WDR41: variants seen among roughly 807,000 people sequenced by gnomAD.
WDR41 encodes the protein WD repeat-containing protein 41.
Under a neutral mutation model 69.3 loss-of-function variants are expected in WDR41, and 63 were observed. The observed-to-expected ratio is 0.91, with a 90% confidence interval of 0.74 to 1.12. WDR41 has a LOEUF of 1.12. Ranked by LOEUF, WDR41 falls within the 50% of genes most tolerant of loss-of-function variation. The probability of loss-of-function intolerance (pLI) is 0.00; values close to 1 mark genes in which losing one functional copy is unlikely to be tolerated. For synonymous variants in WDR41, 185 were observed against 192.1 expected (o/e 0.96, Z 0.31); for missense variants, 543 against 534.5 (o/e 1.02, Z -0.16).
intron 12 of WDR41, 137 bp downstream of exon 12, chr5:77,436,124 C>T (rs1454775486): frequency 8.7e-7 from 1 of 1,150,210 alleles, no homozygotes; most frequent in African/African-American, 1.6e-5. Flanking sequence ...ATAGCCTATC[C>T]CATTCCATGT....
rs776674707 is a variant in WDR41 at position 77,433,118 on chromosome 5, AT to A, written c.*16del. The stretch of plus-strand genomic sequence containing the variant: ...TGATGTTCAAGGTTCATGCATGTGT[AT>A]TTTTAATTCCTTAAACTAGACAGCA... On this transcript the variant is annotated 3_prime_UTR_variant, in exon 13 of 13. Coordinates refer to ENST00000296679, the MANE Select transcript of WDR41 (RefSeq NM_018268.4). The A allele has an allele frequency of 7.5e-6, 12 of 1,604,034 alleles. No individual in the cohort carries two copies. The South Asian group carries it at 1.1e-4, about 15-fold the overall frequency.
At chr5:77,550,405 C>A (rs939040684) in intron 1 of WDR41, among the ~76,000 whole-genome samples, 8 of 152,064 alleles carry the variant, frequency 5.3e-5, no homozygotes, top group African/African-American at 1.4e-4. Flanking sequence ...CAGCAAAAAA[C>A]CAAACATTCC....
intron 1 of WDR41, among the ~76,000 whole-genome samples, chr5:77,553,008 T>A (rs971845257): frequency 6.6e-6 from 1 of 152,184 alleles, no homozygotes; most frequent in African/African-American, 2.4e-5. Flanking sequence ...TGACACCAAC[T>A]GCATGATCCA....
intron 1 of WDR41, among the ~76,000 whole-genome samples, chr5:77,578,122 T>C (rs1170424435): frequency 6.6e-6 from 1 of 152,202 alleles, no homozygotes; most frequent in Non-Finnish European, 1.5e-5. Flanking sequence ...CAGTTTCTAC[T>C]AAATGCATAT....
intron 8 of WDR41, among the ~76,000 whole-genome samples, chr5:77,443,303 T>C (rs921298613): frequency 6.6e-6 from 1 of 152,218 alleles, no homozygotes; most frequent in Non-Finnish European, 1.5e-5. Flanking sequence ...CTTGTTAATT[T>C]AGGAATATAC....
intron 1 of WDR41, among the ~76,000 whole-genome samples, chr5:77,606,897 A>G (rs551484241): frequency 6.7e-6 from 1 of 149,344 alleles, no homozygotes; most frequent in South Asian, 2.1e-4. Flanking sequence ...AAAGCATTCA[A>G]TGAAAAAGAA....
At chr5:77,499,477 T>C (rs1801985487) in intron 1 of WDR41, 1 of 152,222 alleles carries the variant, frequency 6.6e-6, no homozygotes, top group African/African-American at 2.4e-5. Flanking sequence ...GCTGTTACAG[T>C]GGCTACCAAC....
chr5:77,612,217 G>T (rs1244534818), intron 1 of WDR41, among the ~76,000 whole-genome samples: 4 of 152,136 alleles, frequency 2.6e-5, no homozygotes, highest in African/African-American at 9.7e-5. Context: ...AGAGGTACAA[G>T]GAGGAACTGG....
At chr5:77,472,515 C>T (rs1223061586) in intron 2 of WDR41, among the ~76,000 whole-genome samples, 1 of 151,688 alleles carries the variant, frequency 6.6e-6, no homozygotes, top group East Asian at 1.9e-4. Context: ...GATTGTATAT[C>T]TAGAAAACCC....
chr5:77,597,272 G>A (rs1429110310), intron 1 of WDR41, among the ~76,000 whole-genome samples: 2 of 152,184 alleles, frequency 1.3e-5, no homozygotes, highest in Non-Finnish European at 2.9e-5. Context: ...AGGGAGGGAA[G>A]GTAATGGCTG....
At chr5:77,495,480 G>A (rs1210083799), upstream of WDR41, among the ~76,000 whole-genome samples, 3 of 151,814 alleles carry the variant, frequency 2.0e-5, no homozygotes, top group Admixed American at 6.6e-5. Context: ...GGGACTATGC[G>A]ACCACTATGA....
intron 2 of WDR41, among the ~76,000 whole-genome samples, chr5:77,465,583 AAAG>A (rs1252822988): frequency 6.6e-6 from 1 of 152,094 alleles, no homozygotes; most frequent in Admixed American, 6.6e-5. Context: ...CTAACGCAAC[AAAG>A]TAGTATAAAT....
At chr5:77,609,085 A>G (rs1025284392) in intron 1 of WDR41, among the ~76,000 whole-genome samples, 1 of 152,090 alleles carries the variant, frequency 6.6e-6, no homozygotes, top group Non-Finnish European at 1.5e-5. Flanking sequence ...ACTGCAAGGC[A>G]GCAGCGAGGC....
At chr5:77,602,341 T>C (rs2112325935) in intron 1 of WDR41, among the ~76,000 whole-genome samples, 1 of 152,270 alleles carries the variant, frequency 6.6e-6, no homozygotes, top group African/African-American at 2.4e-5. Context: ...GGTTTCTCTA[T>C]GCTGGTCAGG....
upstream of WDR41, among the ~76,000 whole-genome samples, chr5:77,496,926 G>A (rs1413545734): frequency 2.6e-5 from 4 of 152,080 alleles, no homozygotes; most frequent in East Asian, 7.7e-4. Flanking sequence ...ATAGAACAGA[G>A]AGCCTAGAGA....
intron 8 of WDR41, among the ~76,000 whole-genome samples, chr5:77,448,138 G>C (rs1442900155): frequency 6.6e-6 from 1 of 152,136 alleles, no homozygotes; most frequent in Non-Finnish European, 1.5e-5. Flanking sequence ...AGTGGTGCCA[G>C]TGCTTCACTG....
chr5:77,582,738 C>T (rs1226510011), intron 1 of WDR41: 2 of 1,593,426 alleles, frequency 1.3e-6, no homozygotes, highest in Non-Finnish European at 1.7e-6. Flanking sequence ...TCAATGGAAC[C>T]TTTGTGAAGC....
At chr5:77,463,370 A>G (rs951042834) in intron 3 of WDR41, 144 bp from the exon 4 acceptor site, 1 of 661,488 alleles carries the variant, frequency 1.5e-6, no homozygotes, top group African/African-American at 1.9e-5. Context: ...TTAAGCAATC[A>G]CACAGAATCT....
At chr5:77,517,002 C>T (rs1802299995) in intron 1 of WDR41, among the ~76,000 whole-genome samples, 1 of 142,682 alleles carries the variant, frequency 7.0e-6, no homozygotes, top group Non-Finnish European at 1.5e-5. Flanking sequence ...GGTGACAGAG[C>T]GAGACTCCAT....
Sources: allele counts gnomAD v4.1 joint callset (sites outside exome capture counted in the v4.1 genomes callset), GRCh38; gene constraint gnomAD v4.1.1; transcripts MANE v1.5; gene names NCBI Gene and HGNC (gene_info 2026-07-23, HGNC 2026-07-21).